Variants in ACSL4 observed in about 807,000 individuals in gnomAD.
The protein encoded by ACSL4 is acyl-CoA synthetase long chain family member 4, also known as long-chain-fatty-acid--CoA ligase 4.
A neutral mutation model predicts 49.1 loss-of-function variants in ACSL4; 9 were observed. The ratio of observed to expected loss-of-function variants is 0.18; its 90% confidence interval spans 0.11 to 0.32. The LOEUF is 0.32. ACSL4 is among the 10% of genes least tolerant of loss of function. The pLI, the probability that ACSL4 is intolerant of heterozygous loss-of-function variation, is 1.00. For synonymous variants in ACSL4, 191 were observed against 170.3 expected, an observed-to-expected ratio of 1.12 and a Z score of -0.95; for missense variants, 333 against 493.7, an observed-to-expected ratio of 0.67 and a Z score of 3.08.
chrX:109,656,618 T>C (rs1316019855), intron 15 of ACSL4, among the ~76,000 whole-genome samples: 4 of 110,447 alleles, frequency 3.6e-5, no homozygotes, highest in African/African-American at 6.6e-5. Flanking sequence ...AAAAAACAAC[T>C]AAAGTTGAAG....
At chrX:109,714,565 A>T (rs1039368545) in intron 1 of ACSL4, among the ~76,000 whole-genome samples, 2 of 111,931 alleles carry the variant, frequency 1.8e-5, no homozygotes, top group Non-Finnish European at 3.8e-5. Flanking sequence ...AGCTCCATTT[A>T]TGGTAAGCAC....
At chrX:109,725,892 T>A (rs916267119) in intron 1 of ACSL4, among the ~76,000 whole-genome samples, 2 of 111,648 alleles carry the variant, frequency 1.8e-5, no homozygotes, top group African/African-American at 6.5e-5. Flanking sequence ...ATTTGTTTCA[T>A]CATAATGAAT....
At chrX:109,662,342 T>G (rs1172316456) in intron 13 of ACSL4, among the ~76,000 whole-genome samples, 2 of 111,053 alleles carry the variant, frequency 1.8e-5, no homozygotes, top group Non-Finnish European at 3.8e-5. Flanking sequence ...GGAAAAAAGC[T>G]TATTGTTTCT....
chrX:109,701,615 G>A (rs1211790548), intron 1 of ACSL4, among the ~76,000 whole-genome samples: 1 of 98,719 alleles, frequency 1.0e-5, no homozygotes, highest in Non-Finnish European at 2.0e-5. Context: ...GCATGATCTC[G>A]GCTCACTGCA....
chrX:109,713,425 G>A (rs1452626683), intron 1 of ACSL4, among the ~76,000 whole-genome samples: 1 of 111,882 alleles, frequency 8.9e-6, no homozygotes, highest in Admixed American at 9.5e-5. Flanking sequence ...TAGTCCAAAG[G>A]CTTCAGAAAC....
chrX:109,647,059 C>T (rs931174149), intron 15 of ACSL4, among the ~76,000 whole-genome samples: 1 of 111,127 alleles, frequency 9.0e-6, no homozygotes, highest in Admixed American at 9.5e-5. Context: ...CTTAGACTCC[C>T]ACACATTAAT....
chrX:109,644,650 C>T (rs1934563126), intron 15 of ACSL4, among the ~76,000 whole-genome samples: 1 of 112,181 alleles, frequency 8.9e-6, no homozygotes, highest in Non-Finnish European at 1.9e-5. Flanking sequence ...TCCCTGACCA[C>T]TCATAACAAA....
intron 2 of ACSL4, among the ~76,000 whole-genome samples, chrX:109,691,087 CA>C (rs1415944530): frequency 5.4e-5 from 6 of 111,669 alleles, no homozygotes; most frequent in Admixed American, 3.8e-4. Flanking sequence ...GATATTTTTT[CA>C]AAAGTTTTAG....
At chrX:109,684,427 G>A (rs1032579963) in intron 2 of ACSL4, among the ~76,000 whole-genome samples, 4 of 111,990 alleles carry the variant, frequency 3.6e-5, no homozygotes, top group Middle Eastern at 4.6e-3. Flanking sequence ...TTGGGGGAAC[G>A]GGGACAGGGG....
chrX:109,678,187 AT>A (rs1923882250), intron 7 of ACSL4, 76 bp from the exon 8 acceptor site: 1 of 1,202,377 alleles, frequency 8.3e-7, no homozygotes, highest in African/African-American at 1.7e-5. Context: ...GAGCTTTATC[AT>A]TTTAATATAG....
At chrX:109,708,344 T>C (rs777515771) in intron 1 of ACSL4, among the ~76,000 whole-genome samples, 2 of 112,438 alleles carry the variant, frequency 1.8e-5, no homozygotes, top group African/African-American at 3.2e-5. Flanking sequence ...GTAGAAAATA[T>C]AGCACCAGCC....
At chrX:109,721,591 G>A (rs1927556103) in intron 1 of ACSL4, among the ~76,000 whole-genome samples, 1 of 110,136 alleles carries the variant, frequency 9.1e-6, no homozygotes, top group African/African-American at 3.3e-5. Context: ...AATTAGCCAG[G>A]CGTGGTAGTG....
chrX:109,697,723 G>A (rs1180972154), intron 1 of ACSL4, among the ~76,000 whole-genome samples: 8 of 88,121 alleles, frequency 9.1e-5, no homozygotes, highest in South Asian at 7.8e-4. Flanking sequence ...GGGGGGGGGC[G>A]CGGGGAACTT....
intron 12 of ACSL4, 68 bp from the exon 13 acceptor site, chrX:109,663,470 G>A (rs1490148043): frequency 2.3e-5 from 22 of 953,568 alleles, no homozygotes; most frequent in Middle Eastern, 3.1e-4. Flanking sequence ...AAGCTTATAC[G>A]TATGTTAGTA....
chrX:109,701,639 G>A (rs754453474), intron 1 of ACSL4, among the ~76,000 whole-genome samples: 4 of 99,517 alleles, frequency 4.0e-5, no homozygotes, highest in African/African-American at 1.2e-4. Context: ...TCCGCCTCAC[G>A]GTTCACACCA....
intron 1 of ACSL4, among the ~76,000 whole-genome samples, chrX:109,710,218 C>T (rs947871769): frequency 8.9e-6 from 1 of 112,356 alleles, no homozygotes; most frequent in Non-Finnish European, 1.9e-5. Flanking sequence ...CAAAAATATC[C>T]TAATGATGAC....
intron 1 of ACSL4, among the ~76,000 whole-genome samples, chrX:109,719,848 C>T (rs1330372823): frequency 9.0e-6 from 1 of 110,763 alleles, no homozygotes; most frequent in Non-Finnish European, 1.9e-5. Context: ...AGAAAATTAG[C>T]CAGGCATGAC....
At position 109,677,749 on chromosome X, in the gene ACSL4, C is replaced by G. The variant is rs186522935; in HGVS notation, c.930+239G>C. On this transcript the variant is annotated intron_variant, in intron 8 of 15. Transcript: ENST00000672401. ...TGAGCCAAGATCATACCATTGCACT[C>G]CAGTCTGGGTGACAGAGCAAAAGAA... Among the ~76,000 whole-genome samples the G allele has an allele frequency of 2.3e-4, 25 of 110,644 alleles. No homozygotes were observed. The East Asian group carries it at 7.0e-3, about 31-fold the overall frequency.
Position 109,672,079 on chromosome X carries a change from TAA to T in ACSL4, c.1002+2321_1002+2322del, listed in dbSNP as rs764711316. On this transcript the variant is annotated intron_variant, in intron 9 of 15. Coordinates refer to ENST00000672401, the MANE Select transcript of ACSL4 (RefSeq NM_001318510.2). Reference sequence around the variant, plus strand: ...ACACCCAAGAATGATCAATAAATACTAAAAAAAAAAAAAAAAAAAAAAAAAGT... The same window carrying T: ...ACACCCAAGAATGATCAATAAATACTAAAAAAAAAAAAAAAAAAAAAAAGT... 6.0e-3 allele frequency among the ~76,000 whole-genome samples: 225 copies of T among 37,349 alleles called. 1 individual carries two copies. The highest frequency in any genetic ancestry group is 0.02 in the African/African-American group (183 of 9,039). 32.4% of individuals were successfully genotyped at this position (37,349 alleles called of 115,157 possible). A position where few individuals can be genotyped will look rare whatever the true frequency, so the allele number is the denominator to read the frequency against.
Sources: allele counts gnomAD v4.1 joint callset (sites outside exome capture counted in the v4.1 genomes callset), GRCh38; gene constraint gnomAD v4.1.1; transcripts MANE v1.5; gene names NCBI Gene and HGNC (gene_info 2026-07-23, HGNC 2026-07-21).